Variants in ADCY3 observed in about 807,000 individuals in gnomAD.
The protein encoded by ADCY3 is adenylate cyclase 3.
A neutral mutation model predicts 119.4 loss-of-function variants in ADCY3; 70 were observed. The ratio of observed to expected loss-of-function variants is 0.59; its 90% CI spans 0.48 to 0.72. The LOEUF is 0.72. Among genes scored for constraint, ADCY3 ranks in the 30% least tolerant of loss-of-function variants. ADCY3 has a pLI of 0.00. For synonymous variants in ADCY3, 672 were observed against 621.4 expected, an observed-to-expected ratio of 1.08 and a Z score of -1.21; for missense variants, 1,238 against 1,541.6, an observed-to-expected ratio of 0.80 and a Z score of 3.30.
chr2:24,832,342 C>A (rs1282419766), intron 11 of ADCY3, among the ~76,000 whole-genome samples: 1 of 152,108 alleles, frequency 6.6e-6, no homozygotes, highest in Non-Finnish European at 1.5e-5. Context: ...TAGGAATGCA[C>A]CCCTGCCATG....
intron 15 of ADCY3, chr2:24,826,567 C>T (rs555477800): frequency 6.2e-6 from 1 of 160,984 alleles, no homozygotes. Flanking sequence ...TTTCCATTAC[C>T]GTATGGTATT....
chr2:24,846,832 G>A (rs1671712101), intron 3 of ADCY3, among the ~76,000 whole-genome samples: 1 of 152,176 alleles, frequency 6.6e-6, no homozygotes, highest in African/African-American at 2.4e-5. Context: ...ACTCGCCTCA[G>A]CCTCCCAAAG....
At chr2:24,826,290 A>G (rs934611) in intron 15 of ADCY3, 164 bp from the exon 16 acceptor site, 564,919 of 614,512 alleles carry the variant, frequency 0.92, 260,108 homozygotes, top group East Asian at 1. Context: ...GGGCAGTAAA[A>G]TTTTCTTAAC....
At chr2:24,853,010 GTGT>G (rs1672544559) in intron 3 of ADCY3, among the ~76,000 whole-genome samples, 2 of 4,214 alleles carry the variant, frequency 4.7e-4, no homozygotes, top group African/African-American at 1.1e-3. Flanking sequence ...TGGAGGGTGT[GTGT>G]GTGTGTGTGT....
intron 2 of ADCY3, among the ~76,000 whole-genome samples, chr2:24,900,987 C>T (rs1295837288): frequency 1.3e-5 from 2 of 152,170 alleles, no homozygotes; most frequent in African/African-American, 4.8e-5. Context: ...ATCGCTTGAA[C>T]TCAGGAGGCA....
chr2:24,853,251 C>G (rs1359623911), intron 3 of ADCY3, among the ~76,000 whole-genome samples: 3 of 152,046 alleles, frequency 2.0e-5, no homozygotes, highest in African/African-American at 7.2e-5. Flanking sequence ...CCTCAGGACA[C>G]GACGTATGGC....
chr2:24,843,350 A>C (rs1671269897), intron 3 of ADCY3, among the ~76,000 whole-genome samples: 2 of 152,044 alleles, frequency 1.3e-5, no homozygotes, highest in Non-Finnish European at 2.9e-5. Flanking sequence ...CTCCCACCTC[A>C]ACCTCTGGAG....
intron 3 of ADCY3, among the ~76,000 whole-genome samples, chr2:24,854,286 G>C (rs1572897482): frequency 6.6e-6 from 1 of 152,234 alleles, no homozygotes; most frequent in African/African-American, 2.4e-5. Flanking sequence ...CTTTGCTGAA[G>C]AAACAAAGCA....
At chr2:24,862,538 T>A (rs1339784355) in intron 3 of ADCY3, among the ~76,000 whole-genome samples, 4 of 121,694 alleles carry the variant, frequency 3.3e-5, no homozygotes, top group African/African-American at 1.8e-4. Context: ...AGAGCGAGAC[T>A]CCGCCTCAAA....
intron 2 of ADCY3, among the ~76,000 whole-genome samples, chr2:24,904,225 A>G (rs1470248973): frequency 1.3e-5 from 2 of 152,332 alleles, no homozygotes; most frequent in South Asian, 4.1e-4. Context: ...ATTTGGATCA[A>G]AAGTACACTA....
chr2:24,827,731 C>T lies in ADCY3; in HGVS notation c.2433-123G>A, dbSNP rs538748727. 4 of 1,417,572 alleles carry T rather than the reference C, an allele frequency of 2.8e-6. 1 individual carries two copies. The South Asian group carries it at 3.7e-5, about 13-fold the overall frequency. The allele number at this position is 1,417,572 out of a possible 1,614,324, so 87.8% of individuals were successfully genotyped here. A position where few individuals can be genotyped will look rare whatever the true frequency, so the allele number is the denominator to read the frequency against. ...AATGGGAAGAATCTATTCTCAGGTCCTAGCCAAACAGTGATACGTCTGTGA... is the reference window on the plus strand; with the variant it reads ...AATGGGAAGAATCTATTCTCAGGTCTTAGCCAAACAGTGATACGTCTGTGA... On this transcript the variant is annotated intron_variant, in intron 14 of 21. Coordinates refer to ENST00000679454, the MANE Select transcript of ADCY3 (RefSeq NM_004036.5).
chr2:24,834,919 G>A lies in ADCY3; in HGVS notation c.1680C>T (p.Phe560=). 6.2e-7 allele frequency: 1 copy of A among 1,613,658 alleles called. No homozygotes were observed. Among genetic ancestry groups the A allele is most frequent in the Non-Finnish European group, 8.5e-7 (1 of 1,179,936 alleles). The change falls in exon 10 of 22, where the codon TTC becomes TTT. Residue 560 remains phenylalanine, a synonymous_variant. Coordinates refer to ENST00000679454, the MANE Select transcript of ADCY3 (RefSeq NM_004036.5). This position sits in a 1 kb window ranked among gnomAD's most constrained non-coding sequence, Gnocchi z 4.2. ...GGCGCAGCCTCCGGCGTGGGTTGGG[G>A]AATGAGGGGTTGTCGGCCTGTGAGC... The part of the protein sequence containing the change: ...EQDAQADNPS[F]PNPRRRLRLQ...
chr2:24,872,830 C>A lies in ADCY3; in HGVS notation c.676-111G>T. The A allele has an allele frequency of 7.6e-7, 1 of 1,319,492 alleles. No homozygotes were observed. The highest frequency in any genetic ancestry group is 1.0e-6 in the Non-Finnish European group (1 of 955,892). The allele number at this position is 1,319,492 out of a possible 1,614,324, so 81.7% of individuals were successfully genotyped here. On this transcript the variant is annotated intron_variant, in intron 2 of 21. Coordinates refer to ENST00000679454, the MANE Select transcript of ADCY3 (RefSeq NM_004036.5). This position sits in a 1 kb window ranked among gnomAD's most constrained non-coding sequence, Gnocchi z 4.4. The stretch of plus-strand genomic sequence containing the variant: ...GGGTGGGTGGTGACCAAAATCAAAC[C>A]TCAAGTTGCCCAATGTCCAGGGAGG...
rs4077677 is a variant in ADCY3, at chr2:24,899,929, G to C, written c.675+18384C>G. On this transcript the variant is annotated intron_variant, in intron 2 of 21. Transcript: ENST00000679454. This position sits in a 1 kb window ranked among gnomAD's most constrained non-coding sequence, Gnocchi z 4.5. ...GGTTGAATTATTTTCTTACAATAGT[G>C]CTTCATAATATAGAAGAAAACTGAT... is the stretch of plus-strand genomic sequence containing the variant. Among the ~76,000 whole-genome samples the C allele has an allele frequency of 0.32, 49,128 of 151,758 alleles. 8,102 individuals are homozygous for C. Among genetic ancestry groups the C allele is most frequent in the East Asian group, 0.37 (1,923 of 5,140 alleles).
In ADCY3 at chr2:24,831,704, G is replaced by T. The variant is rs752779798; in HGVS notation, c.2013C>A (p.Leu671=). Residue 671 remains leucine, a synonymous_variant, in exon 12 of 22, where the codon CTC becomes CTA. Coordinates refer to ENST00000679454, the MANE Select transcript of ADCY3 (RefSeq NM_004036.5). ...CCAGGGAGCAGATGGTCAGGATGAG[G>T]AGCAGAATCTCCCCCACCATGAAGG... ...YVTFMVGEIL[L]LILTICSLAA... 6.2e-7 allele frequency: 1 copy of T among 1,614,060 alleles called. No individual in the cohort carries two copies. The highest frequency in any genetic ancestry group is 8.5e-7 in the Non-Finnish European group (1 of 1,180,000).
rs77590554 is a variant in ADCY3, at chr2:24,826,330, AC to A, written c.2496-205del. 2.3e-3 allele frequency: 1,299 copies of A among 554,156 alleles called. 18 individuals are homozygous for A. The East Asian group carries it at 0.026, about 11-fold the overall frequency. The allele number at this position is 554,156 out of a possible 1,614,324, so 34.3% of individuals were successfully genotyped here. Reference sequence around the variant, plus strand: ...TGGGCTCCTCTCCAACAGCCAGGCAACCCCTGGCCCCTCCTGGCTGCACCTG... The same window carrying A: ...TGGGCTCCTCTCCAACAGCCAGGCAACCCTGGCCCCTCCTGGCTGCACCTG... On this transcript the variant is annotated intron_variant, in intron 15 of 21. Transcript: ENST00000679454.
In ADCY3 at chr2:24,827,532, G is replaced by A. The variant is rs952334048; in HGVS notation, c.2495+14C>T. Reference sequence around the variant, plus strand: ...CTGTGAGTGCAGGCCAGGAGGGGAAGCCGTGGCCCTTACCTGTCAGTGCCA... The same window carrying A: ...CTGTGAGTGCAGGCCAGGAGGGGAAACCGTGGCCCTTACCTGTCAGTGCCA... On this transcript the variant is annotated intron_variant, in intron 15 of 21. Transcript: ENST00000679454. 12 of 1,576,972 alleles carry A rather than the reference G, an allele frequency of 7.6e-6. No homozygotes were observed. Among genetic ancestry groups the A allele is most frequent in the African/African-American group, 1.3e-5 (1 of 74,156 alleles).
chr2:24,894,240 T>G (rs1678003660), intron 2 of ADCY3, among the ~76,000 whole-genome samples: 1 of 152,220 alleles, frequency 6.6e-6, no homozygotes, highest in African/African-American at 2.4e-5. Context: ...CCCAGCCCTC[T>G]GCGAGGCCAT....
At chr2:24,830,548 C>G (rs544880560) in intron 13 of ADCY3, among the ~76,000 whole-genome samples, 161 bp downstream of exon 13, 1 of 152,300 alleles carries the variant, frequency 6.6e-6, no homozygotes, top group Admixed American at 6.5e-5. Flanking sequence ...GGACAAGACT[C>G]CTTCCACTAG....
Sources: allele counts gnomAD v4.1 joint callset (sites outside exome capture counted in the v4.1 genomes callset), GRCh38; gene constraint gnomAD v4.1.1; non-coding constraint Gnocchi (gnomAD v3.1); transcripts MANE v1.5; gene names NCBI Gene and HGNC (gene_info 2026-07-23, HGNC 2026-07-21).